Variants in B3GAT2 observed in about 807,000 individuals in gnomAD.
B3GAT2 encodes galactosylgalactosylxylosylprotein 3-beta-glucuronosyltransferase 2.
B3GAT2 carries 26 observed loss-of-function variants against 27.8 expected under a neutral mutation model. The observed-to-expected ratio is 0.93, with a 90% CI of 0.68 to 1.30. The LOEUF (loss-of-function observed/expected upper bound fraction) is 1.30, where lower values mean the gene tolerates loss of function less well. B3GAT2 is among the 50% of genes most tolerant of loss of function. The pLI is 0.00. For missense variants in B3GAT2, 458 were observed against 459.0 expected (o/e 1.00, Z 0.02); for synonymous variants, 218 against 195.1 (o/e 1.12, Z -0.98).
At chr6:70,938,878 C>G (rs1385197995) in intron 1 of B3GAT2, among the ~76,000 whole-genome samples, 2 of 151,768 alleles carry the variant, frequency 1.3e-5, no homozygotes, top group Non-Finnish European at 2.9e-5. Flanking sequence ...GCATTGGCAA[C>G]AAAAGCCAAA....
Position 70,859,477 on chromosome 6 carries a change from T to C in B3GAT2, c.*2186A>G, listed in dbSNP as rs1771603881. 3 of 1,100,428 alleles carry C rather than the reference T, an allele frequency of 2.7e-6. No individual in the cohort carries two copies. The highest frequency in any genetic ancestry group is 3.9e-6 in the Non-Finnish European group (3 of 764,968). 68.2% of individuals were successfully genotyped at this position (1,100,428 alleles called of 1,614,324 possible). A position where few individuals can be genotyped will look rare whatever the true frequency, so the allele number is the denominator to read the frequency against. ...GCCTGATTAGTGATGTAGTTTATGT[T>C]AGTGTCTTTGAAACTGTAAATAAGT... On this transcript the variant is annotated 3_prime_UTR_variant, in exon 4 of 4. Transcript: ENST00000230053.
chr6:70,874,166 T>C (rs993267096), intron 2 of B3GAT2, among the ~76,000 whole-genome samples: 4 of 152,224 alleles, frequency 2.6e-5, no homozygotes, highest in Admixed American at 1.3e-4. Flanking sequence ...TGAAATAATA[T>C]AATGTGACAA....
At chr6:70,914,166 G>A (rs764068583) in intron 1 of B3GAT2, among the ~76,000 whole-genome samples, 2 of 151,940 alleles carry the variant, frequency 1.3e-5, no homozygotes, top group Non-Finnish European at 2.9e-5. Flanking sequence ...AAATTCAAGG[G>A]TACATGTGCA....
At chr6:70,927,966 C>G (rs567509409) in intron 1 of B3GAT2, among the ~76,000 whole-genome samples, 1 of 152,266 alleles carries the variant, frequency 6.6e-6, no homozygotes, top group Admixed American at 6.5e-5. Context: ...TGTAAAAGAA[C>G]AGAAATCACA....
intron 1 of B3GAT2, among the ~76,000 whole-genome samples, chr6:70,922,979 A>T (rs547241470): frequency 2.0e-5 from 3 of 152,302 alleles, no homozygotes; most frequent in Admixed American, 6.5e-5. Flanking sequence ...ACACATATAA[A>T]TGGGTATAAC....
Position 70,860,741 on chromosome 6 carries a change from T to G in B3GAT2, c.*922A>C, listed in dbSNP as rs1771683741. 1 of 400,848 alleles carries G rather than the reference T, an allele frequency of 2.5e-6. No homozygotes were observed. The highest frequency in any genetic ancestry group is 4.3e-5 in the Admixed American group (1 of 23,216). The allele number at this position is 400,848 out of a possible 1,614,324, so 24.8% of individuals were successfully genotyped here. The stretch of plus-strand genomic sequence containing the variant: ...AATCCTGTAGGAAGGTACTGTATGA[T>G]CAAATGTTTAATCATATAAATAGAA... On this transcript the variant is annotated 3_prime_UTR_variant, in exon 4 of 4. Transcript: ENST00000230053.
chr6:70,870,693 T>G (rs145402282), intron 2 of B3GAT2, among the ~76,000 whole-genome samples: 1 of 152,324 alleles, frequency 6.6e-6, no homozygotes. Flanking sequence ...GATTTTTCTA[T>G]GTAAAAGATC....
In B3GAT2 at chr6:70,859,674, A is replaced by AAAAT. The variant is rs1469574170; in HGVS notation, c.*1985_*1988dup. 8.1e-6 allele frequency: 2 copies of AAAAT among 248,304 alleles called. No homozygotes were observed. The highest frequency in any genetic ancestry group is 2.2e-5 in the African/African-American group (1 of 44,668). 15.4% of individuals were successfully genotyped at this position (248,304 alleles called of 1,614,324 possible). A position where few individuals can be genotyped will look rare whatever the true frequency, so the allele number is the denominator to read the frequency against. On this transcript the variant is annotated 3_prime_UTR_variant, in exon 4 of 4. Transcript: ENST00000230053. ...ATATATTTGACTCCAGTCTTGAAGAAAAATACATGTAATCTTATGCTTTAT... is the reference window on the plus strand; with the variant it reads ...ATATATTTGACTCCAGTCTTGAAGAAAAATAAATACATGTAATCTTATGCTTTAT...
chr6:70,949,954 A>G (rs1450516950), intron 1 of B3GAT2, among the ~76,000 whole-genome samples: 2 of 152,020 alleles, frequency 1.3e-5, no homozygotes, highest in Admixed American at 1.3e-4. Flanking sequence ...TATCACAAGG[A>G]CAAAAAACCA....
Position 70,956,641 on chromosome 6 carries a change from G to T in B3GAT2, c.-212C>A, listed in dbSNP as rs527470688. The T allele has an allele frequency of 3.5e-6, 5 of 1,416,472 alleles. No homozygotes were observed. The highest frequency in any genetic ancestry group is 3.0e-5 in the Admixed American group (1 of 33,530). The allele number at this position is 1,416,472 out of a possible 1,614,324, so 87.7% of individuals were successfully genotyped here. On this transcript the variant is annotated 5_prime_UTR_variant, in exon 1 of 4. Transcript: ENST00000230053. ...TTCGCGCAAGCTAGAGCGACAAGGG[G>T]TGCAGGCGGGCGGGCAGGGGCTGCC...
chr6:70,937,063 A>C (rs1223745110), intron 1 of B3GAT2, among the ~76,000 whole-genome samples: 2 of 152,170 alleles, frequency 1.3e-5, no homozygotes, highest in African/African-American at 2.4e-5. Flanking sequence ...AAAATGATAA[A>C]GGGGATATCA....
At chr6:70,931,821 G>A (rs79005847) in intron 1 of B3GAT2, among the ~76,000 whole-genome samples, 1,832 of 152,162 alleles carry the variant, frequency 0.012, 23 homozygotes, top group Middle Eastern at 0.044. Context: ...AAAAACTATT[G>A]TGCAAAGAAC....
At chr6:70,948,610 TG>T (rs1466518021) in intron 1 of B3GAT2, among the ~76,000 whole-genome samples, 2 of 151,618 alleles carry the variant, frequency 1.3e-5, no homozygotes, top group Non-Finnish European at 3.0e-5. Context: ...GAACATTCCA[TG>T]CTCATGGGTA....
rs1174447267 is a variant in B3GAT2, at chr6:70,858,737, G to GC, written c.*2925dup. On this transcript the variant is annotated 3_prime_UTR_variant, in exon 4 of 4. Transcript: ENST00000230053. ...CTATTTTTCAGGTCGGATGATTACT[G>GC]CCCCATGGCTCTGTAAAAATTCTTT... The GC allele has an allele frequency of 6.5e-6, 1 of 153,070 alleles. No individual in the cohort carries two copies. Among genetic ancestry groups the GC allele is most frequent in the Non-Finnish European group, 1.5e-5 (1 of 68,720 alleles). 9.5% of individuals were successfully genotyped at this position (153,070 alleles called of 1,614,324 possible).
intron 1 of B3GAT2, among the ~76,000 whole-genome samples, chr6:70,922,686 G>T (rs1772888551): frequency 1.3e-5 from 2 of 151,970 alleles, no homozygotes; most frequent in Admixed American, 1.3e-4. Flanking sequence ...AGGGTGAAGT[G>T]TAAAGCTTTA....
At chr6:70,900,124 T>C (rs62419744) in intron 1 of B3GAT2, among the ~76,000 whole-genome samples, 8,197 of 152,324 alleles carry the variant, frequency 0.054, 278 homozygotes, top group Non-Finnish European at 0.081. Flanking sequence ...AAAGTCATAT[T>C]CTGTGGTTTA....
At chr6:70,880,922 G>A (rs1050969641) in intron 2 of B3GAT2, among the ~76,000 whole-genome samples, 6 of 152,018 alleles carry the variant, frequency 3.9e-5, no homozygotes, top group Admixed American at 2.6e-4. Context: ...TCCTGCCTTC[G>A]CCTTCCAAAG....
intron 1 of B3GAT2, among the ~76,000 whole-genome samples, chr6:70,955,297 G>A (rs1439384573): frequency 6.6e-6 from 1 of 151,992 alleles, no homozygotes; most frequent in African/African-American, 2.4e-5. Flanking sequence ...CCAGTGGGCC[G>A]CAATAGTCAA....
At chr6:70,870,139 C>T (rs1469259249) in intron 2 of B3GAT2, among the ~76,000 whole-genome samples, 1 of 151,704 alleles carries the variant, frequency 6.6e-6, no homozygotes. Flanking sequence ...TTGGAACCAA[C>T]CCAAATATCC....
Sources: allele counts gnomAD v4.1 joint callset (sites outside exome capture counted in the v4.1 genomes callset), GRCh38; gene constraint gnomAD v4.1.1; transcripts MANE v1.5; gene names NCBI Gene and HGNC (gene_info 2026-07-23, HGNC 2026-07-21).